EDIL3: variants seen among roughly 807,000 people sequenced by gnomAD.
The protein encoded by EDIL3 is EGF-like repeat and discoidin I-like domain-containing protein 3.
EDIL3 carries 37 observed loss-of-function variants against 67.4 expected under a neutral mutation model. That is an observed-to-expected ratio of 0.55 (90% CI 0.42 to 0.72). The LOEUF is 0.72. Ranked by LOEUF, EDIL3 falls within the 30% of genes least tolerant of loss-of-function variation. EDIL3 has a pLI of 0.00. For missense variants in EDIL3, 527 were observed against 586.3 expected, an observed-to-expected ratio of 0.90 and a Z score of 1.04; for synonymous variants, 195 against 196.3, an observed-to-expected ratio of 0.99 and a Z score of 0.05.
At chr5:84,018,529 C>T (rs1301367461) in intron 9 of EDIL3, among the ~76,000 whole-genome samples, 1 of 152,140 alleles carries the variant, frequency 6.6e-6, no homozygotes, top group African/African-American at 2.4e-5. Context: ...TTTGCCCTCA[C>T]ACTCAACCTT....
At chr5:84,271,698 G>T (rs1159674422) in intron 1 of EDIL3, among the ~76,000 whole-genome samples, 1 of 152,038 alleles carries the variant, frequency 6.6e-6, no homozygotes, top group Non-Finnish European at 1.5e-5. Context: ...TATGTTTCAT[G>T]CTTTTTCAAG....
intron 1 of EDIL3, among the ~76,000 whole-genome samples, chr5:84,284,204 A>G (rs1288952900): frequency 1.3e-5 from 2 of 152,144 alleles, no homozygotes; most frequent in Non-Finnish European, 2.9e-5. Flanking sequence ...TCTATTTTTA[A>G]AACAAAATGC....
chr5:83,949,165 A>G (rs953815682), intron 10 of EDIL3, among the ~76,000 whole-genome samples: 5 of 151,774 alleles, frequency 3.3e-5, no homozygotes, highest in Admixed American at 2.6e-4. Context: ...CCTTCACTAC[A>G]GGGCAGCCCA....
intron 9 of EDIL3, among the ~76,000 whole-genome samples, chr5:84,039,041 C>T (rs145140687): frequency 0.012 from 1,861 of 151,738 alleles, 19 homozygotes; most frequent in Non-Finnish European, 0.018. Flanking sequence ...GGGTAAAATG[C>T]TATTCCCAAT....
intron 3 of EDIL3, among the ~76,000 whole-genome samples, chr5:84,212,570 C>A (rs1201976834): frequency 1.3e-5 from 2 of 152,226 alleles, no homozygotes; most frequent in South Asian, 2.1e-4. Flanking sequence ...AACAGATACA[C>A]AAGTGAGAAT....
At chr5:83,989,139 C>G (rs376143456) in intron 9 of EDIL3, among the ~76,000 whole-genome samples, 1 of 152,252 alleles carries the variant, frequency 6.6e-6, no homozygotes. Flanking sequence ...CATGGTTCCT[C>G]AGAAATGTAA....
chr5:84,306,791 C>T (rs2112137009), intron 1 of EDIL3, among the ~76,000 whole-genome samples: 1 of 152,322 alleles, frequency 6.6e-6, no homozygotes, highest in African/African-American at 2.4e-5. Context: ...TACGGAAAGT[C>T]ACACTTTCCA....
chr5:84,129,508 G>A (rs1041004152), intron 5 of EDIL3, among the ~76,000 whole-genome samples: 1 of 151,806 alleles, frequency 6.6e-6, no homozygotes, highest in Non-Finnish European at 1.5e-5. Context: ...ATCAGCCTGA[G>A]GCAAACTGTC....
intron 2 of EDIL3, among the ~76,000 whole-genome samples, chr5:84,232,200 T>C (rs1322688892): frequency 6.6e-6 from 1 of 152,214 alleles, no homozygotes; most frequent in Non-Finnish European, 1.5e-5. Context: ...GGAGTAGTTA[T>C]GCTCCTAATA....
intron 1 of EDIL3, among the ~76,000 whole-genome samples, chr5:84,346,865 A>G (rs78988850): frequency 0.015 from 2,219 of 152,304 alleles, 65 homozygotes; most frequent in African/African-American, 0.051. Flanking sequence ...CACAGAACCA[A>G]GAGATGGACT....
chr5:84,119,013 A>T (rs1043172288), intron 5 of EDIL3, among the ~76,000 whole-genome samples: 1 of 152,146 alleles, frequency 6.6e-6, no homozygotes, highest in Non-Finnish European at 1.5e-5. Flanking sequence ...GAAAGAATAC[A>T]TGGTTAGCAC....
At chr5:84,075,885 TGCAC>T (rs1266841242) in intron 6 of EDIL3, among the ~76,000 whole-genome samples, 11 of 72,874 alleles carry the variant, frequency 1.5e-4, no homozygotes, top group South Asian at 5.2e-4. Flanking sequence ...TGCAAAAGTG[TGCAC>T]GCACACACAC....
chr5:84,122,069 T>C (rs1037001505), intron 5 of EDIL3, among the ~76,000 whole-genome samples: 1 of 151,970 alleles, frequency 6.6e-6, no homozygotes, highest in Non-Finnish European at 1.5e-5. Context: ...TACCTTGCAA[T>C]GCAAACTCTT....
rs189109835 is a variant in EDIL3, at chr5:84,030,007, G to C, written c.1137+30293C>G. ...AATCCAGCAATGAATGGAGTTATCT[G>C]ATTGAAATTATCTGGGTACAGGCTC... On this transcript the variant is annotated intron_variant, in intron 9 of 10. Transcript: ENST00000296591. Among the ~76,000 whole-genome samples, 28 of 152,260 alleles carry C rather than the reference G, an allele frequency of 1.8e-4. No individual in the cohort carries two copies. In the East Asian group the frequency reaches 5.4e-3, roughly 29 times the overall value.
intron 4 of EDIL3, among the ~76,000 whole-genome samples, chr5:84,161,893 G>T (rs750307308): frequency 1.3e-4 from 20 of 152,118 alleles, no homozygotes; most frequent in Non-Finnish European, 2.5e-4. Context: ...GGAAGACTAG[G>T]TTGGAATTTA....
chr5:84,116,202 A>AAC (rs1311688808), intron 5 of EDIL3, among the ~76,000 whole-genome samples: 1 of 151,504 alleles, frequency 6.6e-6, no homozygotes, highest in African/African-American at 2.4e-5. Flanking sequence ...AAAAAAAAAA[A>AAC]AAAAAAACCC....
At chr5:83,943,828 TA>T (rs965866140) in intron 10 of EDIL3, among the ~76,000 whole-genome samples, 32 of 151,800 alleles carry the variant, frequency 2.1e-4, no homozygotes, top group African/African-American at 7.0e-4. Flanking sequence ...TTCTCTCAAT[TA>T]AAAAAAATAC....
chr5:84,018,107 C>A (rs1377929875), intron 9 of EDIL3, among the ~76,000 whole-genome samples: 2 of 152,180 alleles, frequency 1.3e-5, no homozygotes, highest in African/African-American at 4.8e-5. Flanking sequence ...TCTGGCTACA[C>A]AAATCTGTAA....
At chr5:84,330,965 G>GA (rs1380275992) in intron 1 of EDIL3, among the ~76,000 whole-genome samples, 1 of 152,184 alleles carries the variant, frequency 6.6e-6, no homozygotes, top group East Asian at 1.9e-4. Flanking sequence ...ATGTGACCTG[G>GA]ATGTGAGACA....
Sources: gnomAD v4.1 joint callset for allele counts (sites outside exome capture counted in the v4.1 genomes callset) on GRCh38, gnomAD v4.1.1 for gene constraint, MANE v1.5 for transcripts, NCBI Gene and HGNC (gene_info 2026-07-23, HGNC 2026-07-21) for gene names.